Variants in SP140L observed in about 807,000 individuals in gnomAD.
The protein encoded by SP140L is nuclear body protein SP140-like protein.
In SP140L, 64 loss-of-function variants were observed where a neutral mutation model predicts 84.3. The observed-to-expected ratio is 0.76, with a 90% CI of 0.62 to 0.94. SP140L has a LOEUF of 0.94. Ranked by LOEUF, SP140L falls within the 40% of genes least tolerant of loss-of-function variation. The pLI, the probability that SP140L is intolerant of heterozygous loss-of-function variation, is 0.00. For missense variants in SP140L, 628 were observed against 692.5 expected (o/e 0.91, Z 1.05); for synonymous variants, 242 against 236.9 (o/e 1.02, Z -0.20).
At chr2:230,347,449 T>C (rs904111212) in intron 2 of SP140L, among the ~76,000 whole-genome samples, 9 of 152,120 alleles carry the variant, frequency 5.9e-5, no homozygotes, top group African/African-American at 1.9e-4. Flanking sequence ...CCCAGCTTGC[T>C]GCAAGCTGGG....
At chr2:230,337,397 C>T (rs968800632) in intron 2 of SP140L, among the ~76,000 whole-genome samples, 1 of 152,082 alleles carries the variant, frequency 6.6e-6, no homozygotes, top group East Asian at 1.9e-4. Flanking sequence ...GATATTAACC[C>T]TTTGTCAGAT....
At chr2:230,359,189 A>T (rs139861906) in intron 4 of SP140L, 57 bp downstream of exon 4, 9 of 1,499,972 alleles carry the variant, frequency 6.0e-6, no homozygotes, top group Middle Eastern at 3.5e-4. Flanking sequence ...TTCAATAAGC[A>T]TATGTTTGAG....
intron 1 of SP140L, among the ~76,000 whole-genome samples, chr2:230,327,688 A>C (rs191502309): frequency 4.5e-4 from 69 of 152,268 alleles, no homozygotes; most frequent in African/African-American, 1.6e-3. Flanking sequence ...CAACCCTTTC[A>C]CATCCCTCTG....
At chr2:230,355,375 A>G (rs1010959950) in intron 2 of SP140L, among the ~76,000 whole-genome samples, 12 of 152,206 alleles carry the variant, frequency 7.9e-5, no homozygotes, top group Admixed American at 7.2e-4. Context: ...AACTAGAAAT[A>G]AATTTAATGA....
intron 10 of SP140L, 65 bp downstream of exon 10, chr2:230,388,698 T>A (rs1422835265): frequency 5.3e-6 from 7 of 1,317,280 alleles, no homozygotes; most frequent in Non-Finnish European, 7.3e-6. Flanking sequence ...CTTTATGCTG[T>A]ATTTTCAGTA....
chr2:230,339,113 A>C (rs2059960321), intron 2 of SP140L, among the ~76,000 whole-genome samples: 1 of 148,100 alleles, frequency 6.8e-6, no homozygotes, highest in Non-Finnish European at 1.5e-5. Flanking sequence ...TCGGCTGTGA[A>C]TCCATCTGGT....
At chr2:230,378,384 C>T (rs1036464005) in intron 7 of SP140L, among the ~76,000 whole-genome samples, 1 of 152,156 alleles carries the variant, frequency 6.6e-6, no homozygotes, top group African/African-American at 2.4e-5. Context: ...CCACAATGTC[C>T]ATGTTCTAGG....
At chr2:230,369,223 C>CT (rs2060978495) in intron 5 of SP140L, among the ~76,000 whole-genome samples, 1 of 129,420 alleles carries the variant, frequency 7.7e-6, no homozygotes, top group South Asian at 2.5e-4. Context: ...TGGGGCAGGC[C>CT]TTGAGCCAGA....
At chr2:230,392,531 A>G (rs923548273) in intron 12 of SP140L, among the ~76,000 whole-genome samples, 1 of 152,204 alleles carries the variant, frequency 6.6e-6, no homozygotes, top group African/African-American at 2.4e-5. Flanking sequence ...TCGATAGTCA[A>G]GCAGGGCAAG....
At chr2:230,385,759 A>C (rs2061555726) in intron 9 of SP140L, among the ~76,000 whole-genome samples, 2 of 152,162 alleles carry the variant, frequency 1.3e-5, no homozygotes, top group South Asian at 4.1e-4. Context: ...CAAGTATTAA[A>C]ACTCCAATGT....
intron 2 of SP140L, among the ~76,000 whole-genome samples, chr2:230,340,059 T>C (rs1296219963): frequency 6.9e-5 from 10 of 145,882 alleles, no homozygotes; most frequent in Non-Finnish European, 1.2e-4. Context: ...TGACTTTCTG[T>C]CTCGTTGATC....
chr2:230,403,199 CT>C lies in SP140L; in HGVS notation c.*308del. 8.2e-6 allele frequency: 2 copies of C among 244,076 alleles called. No homozygotes were observed. Among genetic ancestry groups the C allele is most frequent in the South Asian group, 8.1e-5 (1 of 12,370 alleles). The allele number at this position is 244,076 out of a possible 1,614,324, so 15.1% of individuals were successfully genotyped here. ...AGACAACATTTATTACTCACAAGAC[CT>C]TTTTCCTCCGTTTTTTTTTTGAGAT... On this transcript the variant is annotated 3_prime_UTR_variant, in exon 19 of 19. Transcript: ENST00000415673.
At position 230,370,922 on chromosome 2, in the gene SP140L, A is replaced by G; in HGVS notation, c.538A>G (p.Ser180Gly). Residue 180 changes from serine to glycine, a missense_variant, in exon 6 of 19, where the codon AGC becomes GGC. Physicochemically the swap from Ser to Gly is moderately conservative, Grantham distance 56. This residue lies in a region of SP140L where 525 missense variants were observed against 518.4 expected (regional missense o/e 1.01). Transcript: ENST00000415673. The part of the protein sequence containing the change: ...LSLKQGEVPE[S>G]PEARKESDQA... ...GTGTTTCTCAGGAGAAGTGCCAGAA[A>G]GCCCGGAAGCAAGGAAGGAAAGTGA... 1 of 1,613,756 alleles carries G rather than the reference A, an allele frequency of 6.2e-7. No homozygotes were observed. Among genetic ancestry groups the G allele is most frequent in the South Asian group, 1.1e-5 (1 of 91,028 alleles).
At position 230,376,042 on chromosome 2, in the gene SP140L, T is replaced by G. The variant is rs139016491; in HGVS notation, c.637+4391T>G. Among the ~76,000 whole-genome samples the G allele has an allele frequency of 2.6e-3, 389 of 152,322 alleles. 3 individuals are homozygous for G. The highest frequency in any genetic ancestry group is 9.1e-3 in the African/African-American group (378 of 41,584). On this transcript the variant is annotated intron_variant, in intron 7 of 18. Transcript: ENST00000415673. ...TCTTTGAATTTTATGGTTTCATGTTTGACATTTAAGCCTTTAATCTATTTG... is the reference window on the plus strand; with the variant it reads ...TCTTTGAATTTTATGGTTTCATGTTGGACATTTAAGCCTTTAATCTATTTG...
At chr2:230,351,362 G>A (rs796103916) in intron 2 of SP140L, among the ~76,000 whole-genome samples, 9 of 152,294 alleles carry the variant, frequency 5.9e-5, no homozygotes, top group African/African-American at 2.2e-4. Flanking sequence ...GTATTCATAT[G>A]TGTATTGGAC....
At chr2:230,330,425 G>C (rs2059695547) in intron 2 of SP140L, among the ~76,000 whole-genome samples, 1 of 152,142 alleles carries the variant, frequency 6.6e-6, no homozygotes, top group African/African-American at 2.4e-5. Flanking sequence ...AGGAACTCTT[G>C]ACATCTGACG....
chr2:230,330,872 C>T (rs1365106959), intron 2 of SP140L, among the ~76,000 whole-genome samples: 2 of 152,166 alleles, frequency 1.3e-5, no homozygotes, highest in South Asian at 2.1e-4. Flanking sequence ...TGAAATCTCA[C>T]GCTGTCCCTC....
At position 230,392,099 on chromosome 2, in the gene SP140L, A is replaced by T. The variant is rs183267141; in HGVS notation, c.977A>T (p.Lys326Met). The T allele has an allele frequency of 3.7e-6, 6 of 1,613,720 alleles. No homozygotes were observed. Among genetic ancestry groups the T allele is most frequent in the Non-Finnish European group, 5.1e-6 (6 of 1,179,774 alleles). ...KEKLEQGTLA[K>M]CIQTEDGKWF... ...CCTGGTCTTACAGGAACCTTGGCAAAGTGTATACAGACTGAGGATGGAAAA... is the reference window on the plus strand; with the variant it reads ...CCTGGTCTTACAGGAACCTTGGCAATGTGTATACAGACTGAGGATGGAAAA... Residue 326 changes from lysine to methionine, a missense_variant, in exon 12 of 19, where the codon AAG becomes ATG. Physicochemically the swap from Lys to Met is moderately conservative, Grantham distance 95. Transcript: ENST00000415673.
Position 230,392,083 on chromosome 2 carries a change from A to G in SP140L, c.965-4A>G, listed in dbSNP as rs764448399. ...CTCAGGATCAAGTTACCCTGGTCTT[A>G]CAGGAACCTTGGCAAAGTGTATACA... On this transcript the variant is annotated splice_region_variant and splice_polypyrimidine_tract_variant and intron_variant, in intron 11 of 18. Coordinates refer to ENST00000415673, the MANE Select transcript of SP140L (RefSeq NM_138402.6). The G allele has an allele frequency of 6.2e-7, 1 of 1,613,844 alleles. No homozygotes were observed. Among genetic ancestry groups the G allele is most frequent in the South Asian group, 1.1e-5 (1 of 91,082 alleles).
Sources: allele counts gnomAD v4.1 joint callset (sites outside exome capture counted in the v4.1 genomes callset), GRCh38; gene constraint gnomAD v4.1.1; regional missense constraint gnomAD v4.1.1; transcripts MANE v1.5; gene names NCBI Gene and HGNC (gene_info 2026-07-23, HGNC 2026-07-21).